ICE1: variants seen among roughly 807,000 people sequenced by gnomAD.
ICE1 encodes interactor of little elongation complex ELL subunit 1.
ICE1 carries 64 observed loss-of-function variants against 192.7 expected under a neutral mutation model. That is an observed-to-expected ratio of 0.33 (90% CI 0.27 to 0.41). The LOEUF (loss-of-function observed/expected upper bound fraction) is 0.41. Ranked by LOEUF, ICE1 falls within the 10% of genes least tolerant of loss-of-function variation. The pLI, the probability that ICE1 is intolerant of heterozygous loss-of-function variation, is 1.00. For missense variants in ICE1, 2,708 were observed against 2,696.0 expected (o/e 1.00, Z -0.10); for synonymous variants, 1,010 against 984.5 (o/e 1.03, Z -0.49).
intron 1 of ICE1, among the ~76,000 whole-genome samples, chr5:5,426,732 G>A (rs1035753520): frequency 6.6e-6 from 1 of 152,186 alleles, no homozygotes; most frequent in Non-Finnish European, 1.5e-5. Flanking sequence ...AACCAAGATC[G>A]GAAAGAATGA....
chr5:5,488,463 G>A (rs950131947), intron 18 of ICE1, among the ~76,000 whole-genome samples: 7 of 152,068 alleles, frequency 4.6e-5, no homozygotes, highest in African/African-American at 9.7e-5. Context: ...TTTCAGCTTC[G>A]GAGCATTTTG....
At chr5:5,445,130 T>C (rs1279106993) in intron 7 of ICE1, among the ~76,000 whole-genome samples, 3 of 152,198 alleles carry the variant, frequency 2.0e-5, no homozygotes, top group Non-Finnish European at 2.9e-5. Flanking sequence ...ATGGTTTATG[T>C]TCATTTAGAG....
At chr5:5,481,721 C>G (rs1444404421) in intron 17 of ICE1, among the ~76,000 whole-genome samples, 1 of 152,164 alleles carries the variant, frequency 6.6e-6, no homozygotes, top group East Asian at 1.9e-4. Context: ...GGAGCACATA[C>G]CAGAAGGTGA....
chr5:5,478,391 T>C (rs1405943524), intron 17 of ICE1, among the ~76,000 whole-genome samples: 1 of 152,090 alleles, frequency 6.6e-6, no homozygotes, highest in Admixed American at 6.5e-5. Flanking sequence ...TGCCTAGTAA[T>C]AAAACTTACA....
chr5:5,447,865 T>A lies in ICE1; in HGVS notation c.572T>A (p.Ile191Asn). 1 of 1,578,112 alleles carries A rather than the reference T, an allele frequency of 6.3e-7. No individual in the cohort carries two copies. Among genetic ancestry groups the A allele is most frequent in the South Asian group, 1.2e-5 (1 of 86,672 alleles). ...EKELRHIGTQISSDSYGSIDK... is the reference protein window; with the variant it reads ...EKELRHIGTQNSSDSYGSIDK... The stretch of plus-strand genomic sequence containing the variant: ...GAGTTGAGACATATTGGAACACAAA[T>A]TTCAAGTGATTCATATGGAAGCATA... The change falls in exon 10 of 19, where the codon ATT (isoleucine) becomes AAT (asparagine). Residue 191 changes from isoleucine (I) to asparagine (N), a missense_variant. Physicochemically the swap from Ile to Asn is moderately radical, Grantham distance 149. Transcript: ENST00000296564.
chr5:5,457,201 T>C, intron 11 of ICE1, 131 bp from the exon 12 acceptor site: 1 of 878,838 alleles, frequency 1.1e-6, no homozygotes, highest in Non-Finnish European at 1.6e-6. Flanking sequence ...TGGTTGCCTT[T>C]TAAAAAATTA....
chr5:5,466,823 C>A (rs1329678523), intron 14 of ICE1, among the ~76,000 whole-genome samples: 1 of 152,160 alleles, frequency 6.6e-6, no homozygotes, highest in Non-Finnish European at 1.5e-5. Flanking sequence ...AGCCAAACTG[C>A]TGTACCACTA....
chr5:5,432,298 TA>T (rs1349613069), intron 1 of ICE1, among the ~76,000 whole-genome samples: 1 of 152,244 alleles, frequency 6.6e-6, no homozygotes, highest in Non-Finnish European at 1.5e-5. Context: ...TGGACTTTTG[TA>T]ACTGGCTTTT....
At chr5:5,456,743 T>G (rs1187208607) in intron 11 of ICE1, among the ~76,000 whole-genome samples, 1 of 152,190 alleles carries the variant, frequency 6.6e-6, no homozygotes, top group Admixed American at 6.5e-5. Context: ...GGTTATGGAA[T>G]CAAATGTTTT....
chr5:5,442,844 C>T lies in ICE1; in HGVS notation c.310-324C>T, dbSNP rs111304344. 3.3e-3 allele frequency among the ~76,000 whole-genome samples: 502 copies of T among 152,250 alleles called. 3 individuals are homozygous for T. Among genetic ancestry groups the T allele is most frequent in the African/African-American group, 0.011 (476 of 41,554 alleles). Reference sequence around the variant, plus strand: ...ATACCGTTAGCTCATATTTATTATGCTCTAATATTTTTTCAGGATATGTTG... The same window carrying T: ...ATACCGTTAGCTCATATTTATTATGTTCTAATATTTTTTCAGGATATGTTG... On this transcript the variant is annotated intron_variant, in intron 5 of 18. Coordinates refer to ENST00000296564, the MANE Select transcript of ICE1 (RefSeq NM_015325.3).
intron 13 of ICE1, 48 bp downstream of exon 13, chr5:5,465,274 A>G: frequency 1.5e-6 from 2 of 1,334,928 alleles, no homozygotes; most frequent in Non-Finnish European, 2.0e-6. Context: ...CATGTCCTCA[A>G]AGACAGATGC....
chr5:5,425,614 A>G (rs1158118334), intron 1 of ICE1, among the ~76,000 whole-genome samples: 1 of 152,214 alleles, frequency 6.6e-6, no homozygotes, highest in Admixed American at 6.5e-5. Flanking sequence ...TGAGTCTAGA[A>G]AAATAGGTTC....
At chr5:5,459,707 A>G (rs1738693592) in intron 12 of ICE1, among the ~76,000 whole-genome samples, 2 of 152,244 alleles carry the variant, frequency 1.3e-5, no homozygotes, top group Non-Finnish European at 2.9e-5. Flanking sequence ...GCAGCTGTTC[A>G]TCTTCACCAG....
At chr5:5,481,316 G>A (rs1440039850) in intron 17 of ICE1, among the ~76,000 whole-genome samples, 1 of 152,106 alleles carries the variant, frequency 6.6e-6, no homozygotes, top group Non-Finnish European at 1.5e-5. Flanking sequence ...TTTACTGGTT[G>A]TGTTTCTGTA....
Position 5,447,707 on chromosome 5 carries a change from T to G in ICE1, c.508-14T>G. The G allele has an allele frequency of 6.4e-7, 1 of 1,567,720 alleles. No individual in the cohort carries two copies. The highest frequency in any genetic ancestry group is 2.3e-5 in the East Asian group (1 of 43,280). The stretch of plus-strand genomic sequence containing the variant: ...TTATTCAGCATAAACACTATTAATA[T>G]TTTGTTTTCACAGGAAAGGCTTGAC... On this transcript the variant is annotated splice_polypyrimidine_tract_variant and intron_variant, in intron 8 of 18. Transcript: ENST00000296564.
At chr5:5,466,139 C>T (rs993533283) in intron 13 of ICE1, among the ~76,000 whole-genome samples, 195 bp from the exon 14 acceptor site, 2 of 152,174 alleles carry the variant, frequency 1.3e-5, no homozygotes, top group African/African-American at 2.4e-5. Context: ...GGGATTTCTT[C>T]AGTACCCCCG....
At position 5,466,491 on chromosome 5, in the gene ICE1, T is replaced by A; in HGVS notation, c.6050T>A (p.Leu2017Gln). The A allele has an allele frequency of 6.2e-7, 1 of 1,605,494 alleles. No individual in the cohort carries two copies. Among genetic ancestry groups the A allele is most frequent in the Non-Finnish European group, 8.5e-7 (1 of 1,177,572 alleles). ...LERARLFCYSLLKEDFPESEK... is the reference protein window; with the variant it reads ...LERARLFCYSQLKEDFPESEK... ...AGAGCTCGTTTGTTTTGCTACAGCC[T>A]ACTTAAAGAAGGTATGCTTAGATTG... The change falls in exon 14 of 19, where the codon CTA becomes CAA. Residue 2017 changes from leucine to glutamine, a missense_variant. Physicochemically the swap from Leu to Gln is moderately radical, Grantham distance 113. Transcript: ENST00000296564.
chr5:5,487,833 T>C (rs1648442988), intron 18 of ICE1, among the ~76,000 whole-genome samples: 1 of 152,178 alleles, frequency 6.6e-6, no homozygotes. Context: ...AGATTAGACC[T>C]TGTGCATGGC....
chr5:5,437,226 G>A, intron 3 of ICE1, 112 bp downstream of exon 3: 1 of 725,090 alleles, frequency 1.4e-6, no homozygotes, highest in Non-Finnish European at 2.4e-6. Flanking sequence ...GTACTTAACA[G>A]GCTTCAGTAG....
Sources: allele counts gnomAD v4.1 joint callset (sites outside exome capture counted in the v4.1 genomes callset), GRCh38; gene constraint gnomAD v4.1.1; transcripts MANE v1.5; gene names NCBI Gene and HGNC (gene_info 2026-07-23, HGNC 2026-07-21).